The following LCLAT1 variants were observed in gnomAD, a reference collection of about 807,000 sequenced individuals.
The protein encoded by LCLAT1 is 1-AGP acyltransferase 8.
A neutral mutation model predicts 30.7 loss-of-function variants in LCLAT1; 11 were observed. The observed-to-expected ratio is 0.36, with a 90% confidence interval of 0.23 to 0.59. The LOEUF (loss-of-function observed/expected upper bound fraction) is 0.59. LCLAT1 is among the 20% of genes least tolerant of loss of function. The probability of loss-of-function intolerance (pLI) is 0.77; values close to 1 mark genes in which losing one functional copy is unlikely to be tolerated. For missense variants in LCLAT1, 402 were observed against 458.6 expected, an observed-to-expected ratio of 0.88 and a Z score of 1.13; for synonymous variants, 155 against 151.3, an observed-to-expected ratio of 1.02 and a Z score of -0.18.
At chr2:30,617,564 C>G (rs1175351849) in intron 5 of LCLAT1, among the ~76,000 whole-genome samples, 1 of 152,256 alleles carries the variant, frequency 6.6e-6, no homozygotes, top group South Asian at 2.1e-4. Flanking sequence ...CTGTCATTCT[C>G]TGGTTTTCCA....
At chr2:30,457,081 T>G (rs556495428) in intron 1 of LCLAT1, among the ~76,000 whole-genome samples, 33 of 152,332 alleles carry the variant, frequency 2.2e-4, no homozygotes, top group Non-Finnish European at 3.7e-4. Flanking sequence ...CCAAACTCTC[T>G]TTAGTTTTAG....
chr2:30,459,654 A>G (rs756290618), intron 1 of LCLAT1: 2 of 1,614,174 alleles, frequency 1.2e-6, no homozygotes, highest in East Asian at 2.2e-5. Flanking sequence ...TTCTGAACCC[A>G]TGGTCAATTA....
At chr2:30,492,818 ATAACT>A (rs1336191984) in intron 1 of LCLAT1, among the ~76,000 whole-genome samples, 2 of 152,210 alleles carry the variant, frequency 1.3e-5, no homozygotes, top group Non-Finnish European at 2.9e-5. Flanking sequence ...CACATAGCAA[ATAACT>A]TGACAGTTGT....
chr2:30,533,288 C>G lies in LCLAT1; in HGVS notation c.338C>G (p.Ala113Gly), dbSNP rs750655578. The G allele has an allele frequency of 6.2e-7, 1 of 1,613,848 alleles. No homozygotes were observed. Among genetic ancestry groups the G allele is most frequent in the African/African-American group, 1.3e-5 (1 of 74,896 alleles). ...YLRLEKICLKASLKGVPGFGW... is the reference protein window; with the variant it reads ...YLRLEKICLKGSLKGVPGFGW... ...AGATTGGAGAAAATTTGCCTCAAAG[C>G]GAGTCTCAAAGGTGTTCCTGGATTT... The change falls in exon 3 of 6, where the codon GCG (alanine) becomes GGG (glycine). Residue 113 changes from alanine (A) to glycine (G), a missense_variant. Physicochemically the swap from Ala to Gly is moderately conservative, Grantham distance 60 (BLOSUM62 0). Coordinates refer to ENST00000379509, the MANE Select transcript of LCLAT1 (RefSeq NM_001002257.3).
chr2:30,622,425 A>G (rs1668304790), intron 5 of LCLAT1, among the ~76,000 whole-genome samples: 1 of 152,150 alleles, frequency 6.6e-6, no homozygotes, highest in Non-Finnish European at 1.5e-5. Flanking sequence ...CCTAGGGCAA[A>G]CTTGTATCCT....
In LCLAT1 at chr2:30,495,454, A is replaced by C. The variant is rs371890719; in HGVS notation, c.-4-30133A>C. Among the ~76,000 whole-genome samples the C allele has an allele frequency of 1.5e-3, 233 of 152,320 alleles. 1 individual carries two copies. Among genetic ancestry groups the C allele is most frequent in the African/African-American group, 5.2e-3 (218 of 41,572 alleles). ...AAATTTTTACCCCATAAGTAAAATG[A>C]ATCAATATAGTAATAATTCTCTAAT... On this transcript the variant is annotated intron_variant, in intron 1 of 5. Coordinates refer to ENST00000379509, the MANE Select transcript of LCLAT1 (RefSeq NM_001002257.3).
At chr2:30,586,059 G>A (rs924848909) in intron 5 of LCLAT1, among the ~76,000 whole-genome samples, 4 of 151,870 alleles carry the variant, frequency 2.6e-5, no homozygotes, top group African/African-American at 7.3e-5. Context: ...TGGCTAACAC[G>A]TGAAACCCCA....
chr2:30,570,652 G>A (rs1665739161), intron 5 of LCLAT1, among the ~76,000 whole-genome samples: 1 of 152,148 alleles, frequency 6.6e-6, no homozygotes, highest in South Asian at 2.1e-4. Flanking sequence ...TATGATTTTA[G>A]TTAACAAAAT....
At chr2:30,639,332 G>A (rs1669188280) in intron 5 of LCLAT1, among the ~76,000 whole-genome samples, 1 of 152,160 alleles carries the variant, frequency 6.6e-6, no homozygotes, top group East Asian at 1.9e-4. Flanking sequence ...GTGAGGTTTA[G>A]GACCATGTCT....
rs201114653 is a variant in LCLAT1, at chr2:30,641,895, TC to T, written c.*1277del. 1 of 92,162 alleles carries T rather than the reference TC, an allele frequency of 1.1e-5. No homozygotes were observed. Among genetic ancestry groups the T allele is most frequent in the African/African-American group, 3.6e-5 (1 of 28,146 alleles). 5.7% of individuals were successfully genotyped at this position (92,162 alleles called of 1,614,324 possible). A position where few individuals can be genotyped will look rare whatever the true frequency, so the allele number is the denominator to read the frequency against. On this transcript the variant is annotated 3_prime_UTR_variant, in exon 6 of 6. Transcript: ENST00000379509. ...TCTGTTGGAGCTGCACACTTTTTTT[TC>T]TTTTTTTTTTTCTTTTTTTTTTTGT...
intron 5 of LCLAT1, among the ~76,000 whole-genome samples, chr2:30,591,152 A>C (rs966609209): frequency 2.6e-5 from 4 of 152,192 alleles, no homozygotes; most frequent in Non-Finnish European, 5.9e-5. Flanking sequence ...TTAGAAAATC[A>C]GTTTGTATAA....
rs530919259 is a variant in LCLAT1, at chr2:30,533,063, A to C, written c.166-53A>C. 6.4e-6 allele frequency: 8 copies of C among 1,253,636 alleles called. No individual in the cohort carries two copies. In the African/African-American group the frequency reaches 1.2e-4, roughly 18 times the overall value. The allele number at this position is 1,253,636 out of a possible 1,614,324, so 77.7% of individuals were successfully genotyped here. Reference sequence around the variant, plus strand: ...TTATTTATAGGGCATGATAAAATTTACCTATGGAAAATCATAACTTTAATT... The same window carrying C: ...TTATTTATAGGGCATGATAAAATTTCCCTATGGAAAATCATAACTTTAATT... On this transcript the variant is annotated intron_variant, in intron 2 of 5. Transcript: ENST00000379509.
At chr2:30,629,818 T>A (rs1668686468) in intron 5 of LCLAT1, among the ~76,000 whole-genome samples, 1 of 152,216 alleles carries the variant, frequency 6.6e-6, no homozygotes, top group African/African-American at 2.4e-5. Flanking sequence ...TAATGTGATA[T>A]CTATATCATC....
chr2:30,583,429 A>G (rs965333257), intron 5 of LCLAT1, among the ~76,000 whole-genome samples: 13 of 152,192 alleles, frequency 8.5e-5, no homozygotes, highest in African/African-American at 2.9e-4. Context: ...GTCCTTACCC[A>G]AGGCCTAAAA....
chr2:30,635,008 C>T (rs1668956865), intron 5 of LCLAT1, among the ~76,000 whole-genome samples: 1 of 152,230 alleles, frequency 6.6e-6, no homozygotes. Flanking sequence ...GTTCTTCTAC[C>T]TGCACAGAAT....
At chr2:30,545,915 A>G (rs1664387228) in intron 3 of LCLAT1, among the ~76,000 whole-genome samples, 2 of 152,182 alleles carry the variant, frequency 1.3e-5, no homozygotes, top group African/African-American at 4.8e-5. Flanking sequence ...AAGGAGAGTA[A>G]TATTAAAGAG....
At chr2:30,560,837 A>G (rs1414439222) in intron 3 of LCLAT1, among the ~76,000 whole-genome samples, 1 of 152,232 alleles carries the variant, frequency 6.6e-6, no homozygotes, top group Non-Finnish European at 1.5e-5. Flanking sequence ...ATGGATATCC[A>G]AGAGGTGGAT....
intron 1 of LCLAT1, among the ~76,000 whole-genome samples, chr2:30,513,794 T>G (rs1685049960): frequency 6.6e-6 from 1 of 152,210 alleles, no homozygotes; most frequent in Non-Finnish European, 1.5e-5. Context: ...CATTTGTCTC[T>G]TATCTACCTA....
intron 5 of LCLAT1, among the ~76,000 whole-genome samples, chr2:30,619,221 T>C (rs949952203): frequency 2.0e-5 from 3 of 152,180 alleles, no homozygotes; most frequent in Non-Finnish European, 2.9e-5. Flanking sequence ...ATACTACTTA[T>C]AGACACTAGA....
Sources: allele counts gnomAD v4.1 joint callset (sites outside exome capture counted in the v4.1 genomes callset), GRCh38; gene constraint gnomAD v4.1.1; transcripts MANE v1.5; gene names NCBI Gene and HGNC (gene_info 2026-07-23, HGNC 2026-07-21).